BLTP1: variants seen among roughly 807,000 people sequenced by gnomAD.
BLTP1 encodes the protein bridge-like lipid transfer protein family member 1.
At chr4:122,202,568 A>T in the BLTP1 span, 1 of 966,030 alleles carries the variant, frequency 1.0e-6, no homozygotes, top group African/African-American at 1.8e-5. Context: ...TTTGCTTCTC[A>T]CTTAAGATTT....
At chr4:122,176,921 A>G in the BLTP1 span, among the ~76,000 whole-genome samples, 1 of 152,210 alleles carries the variant, frequency 6.6e-6, no homozygotes, top group East Asian at 1.9e-4. Context: ...ACTCTAGGAA[A>G]CACACTGGTG....
the BLTP1 span, chr4:122,197,429 T>A: frequency 2.6e-6 from 2 of 770,202 alleles, no homozygotes; most frequent in Non-Finnish European, 3.2e-6. Context: ...AGGGAAATAT[T>A]ATATAATTGA....
the BLTP1 span, among the ~76,000 whole-genome samples, chr4:122,190,952 G>A: frequency 6.6e-6 from 1 of 152,136 alleles, no homozygotes; most frequent in Non-Finnish European, 1.5e-5. Context: ...TGCTAATGGT[G>A]CAGAGCAATG....
the BLTP1 span, chr4:122,174,103 G>A: frequency 4.7e-6 from 3 of 640,688 alleles, no homozygotes; most frequent in Non-Finnish European, 5.8e-6. Flanking sequence ...GTGGGAGAAA[G>A]GGATGGGGAG....
the BLTP1 span, chr4:122,224,395 A>G: frequency 8.4e-7 from 1 of 1,197,386 alleles, no homozygotes; most frequent in African/African-American, 1.5e-5. Context: ...TATAGATGGC[A>G]TGAGTTTATT....
At chr4:122,175,743 T>A in the BLTP1 span, 2 of 685,648 alleles carry the variant, frequency 2.9e-6, no homozygotes, top group Admixed American at 5.3e-5. Flanking sequence ...TTTGAGGATT[T>A]CCTGTATTTC....
At chr4:122,247,949 C>T in the BLTP1 span, 1 of 984,964 alleles carries the variant, frequency 1.0e-6, no homozygotes, top group Non-Finnish European at 1.2e-6. Flanking sequence ...GTTAGATTTG[C>T]TAATCGTATT....
chr4:122,344,067 T>C, the BLTP1 span: 8 of 866,878 alleles, frequency 9.2e-6, no homozygotes, highest in Non-Finnish European at 9.7e-6. Flanking sequence ...TGCAAATGCA[T>C]AAAAGCTTCT....
the BLTP1 span, chr4:122,152,655 C>T: frequency 1.0e-6 from 1 of 984,000 alleles, no homozygotes; most frequent in Non-Finnish European, 1.2e-6. Flanking sequence ...TGGAACTCAA[C>T]CTGGTCGGAG....
the BLTP1 span, chr4:122,235,572 A>G: frequency 0.01 from 5,426 of 533,060 alleles, 36 homozygotes; most frequent in Non-Finnish European, 0.011. Flanking sequence ...TTGGGAGGCC[A>G]AGGTGGGCGG....
the BLTP1 span, chr4:122,280,015 C>G: frequency 3.1e-6 from 5 of 1,612,368 alleles, no homozygotes; most frequent in Non-Finnish European, 3.4e-6. Context: ...TTCTGTGATT[C>G]CATATACTAC....
the BLTP1 span, among the ~76,000 whole-genome samples, chr4:122,317,636 C>CT: frequency 2.1e-3 from 285 of 139,010 alleles, 2 homozygotes; most frequent in East Asian, 5.6e-3. Flanking sequence ...TGTACTGGTG[C>CT]TTTTTTTTTT....
chr4:122,276,885 T>C, the BLTP1 span: 3 of 985,002 alleles, frequency 3.0e-6, no homozygotes, highest in Non-Finnish European at 3.6e-6. Flanking sequence ...TGTTGGGCTT[T>C]GCGTTTATCC....
chr4:122,350,287 G>A, the BLTP1 span: 7 of 985,334 alleles, frequency 7.1e-6, no homozygotes, highest in Non-Finnish European at 8.4e-6. Context: ...TCTTCCCCCT[G>A]CTGCAGTGCA....
At chr4:122,339,165 T>G in the BLTP1 span, 41 of 1,580,720 alleles carry the variant, frequency 2.6e-5, no homozygotes, top group Non-Finnish European at 3.3e-5. Context: ...AACTTTTCTT[T>G]TATCCAGTTC....
At chr4:122,324,062 C>G in the BLTP1 span, among the ~76,000 whole-genome samples, 1 of 151,996 alleles carries the variant, frequency 6.6e-6, no homozygotes, top group Non-Finnish European at 1.5e-5. Context: ...GATCTTTTGT[C>G]TCCACTGCCC....
chr4:122,199,309 C>T, the BLTP1 span: 5 of 1,594,056 alleles, frequency 3.1e-6, no homozygotes, highest in Non-Finnish European at 4.3e-6. Flanking sequence ...AAAGATGTTT[C>T]ATTTTGTAAT....
At chr4:122,207,485 G>A in the BLTP1 span, 24 of 1,509,078 alleles carry the variant, frequency 1.6e-5, 1 homozygote, top group African/African-American at 2.2e-4. Context: ...GAAATTTAAT[G>A]GACATTAAAA....
chr4:122,321,979 A>ATTTTTTTTTTTTTTTTTTTTTTTT, the BLTP1 span, among the ~76,000 whole-genome samples: 31 of 27,016 alleles, frequency 1.1e-3, 1 homozygote, highest in East Asian at 2.5e-3. Context: ...ACTACATGTA[A>ATTTTTTTTTTTTTTTTTTTTTTTT]TTTTTTTTTT....
Sources: gnomAD v4.1 joint callset for allele counts (sites outside exome capture counted in the v4.1 genomes callset) on GRCh38, gnomAD v4.1.1 for gene constraint, MANE v1.5 for transcripts, NCBI Gene and HGNC (gene_info 2026-07-23, HGNC 2026-07-21) for gene names.